FBXL17: variants seen among roughly 807,000 people sequenced by gnomAD.
FBXL17 encodes F-box and leucine rich repeat protein 17, also known as F-box/LRR-repeat protein 17.
Under a neutral mutation model 66.2 loss-of-function variants are expected in FBXL17, and 22 were observed. The observed-to-expected ratio is 0.33, with a 90% CI of 0.24 to 0.47. The LOEUF is 0.47. FBXL17 is among the 20% of genes least tolerant of loss of function. FBXL17 has a pLI of 1.00. For missense variants in FBXL17, 878 were observed against 948.2 expected, an observed-to-expected ratio of 0.93 and a Z score of 0.97; for synonymous variants, 474 against 400.5, an observed-to-expected ratio of 1.18 and a Z score of -2.19.
chr5:108,230,108 T>C lies in FBXL17; in HGVS notation c.1507-5880A>G, dbSNP rs577481521. ...AGATGTGGTTAAAAGGGAACACTTCTACACTGCTGGTAGGAATGTAAAACT... is the reference window on the plus strand; with the variant it reads ...AGATGTGGTTAAAAGGGAACACTTCCACACTGCTGGTAGGAATGTAAAACT... On this transcript the variant is annotated intron_variant, in intron 4 of 8. Coordinates refer to ENST00000542267, the MANE Select transcript of FBXL17 (RefSeq NM_001163315.3). 2.0e-5 allele frequency among the ~76,000 whole-genome samples: 3 copies of C among 152,328 alleles called. No individual in the cohort carries two copies. In the East Asian group the frequency reaches 5.8e-4, roughly 29 times the overall value.
At chr5:108,258,115 G>C (rs892470528) in intron 4 of FBXL17, among the ~76,000 whole-genome samples, 6 of 152,150 alleles carry the variant, frequency 3.9e-5, no homozygotes, top group Non-Finnish European at 7.4e-5. Context: ...ACTCCAGACT[G>C]TATCTGGAGA....
chr5:108,249,191 T>C (rs1756239015), intron 4 of FBXL17, among the ~76,000 whole-genome samples: 1 of 152,018 alleles, frequency 6.6e-6, no homozygotes, highest in South Asian at 2.1e-4. Context: ...CACTAATCAT[T>C]CCTTGGCCTA....
intron 4 of FBXL17, among the ~76,000 whole-genome samples, chr5:108,336,838 A>C (rs1760406299): frequency 6.6e-6 from 1 of 152,180 alleles, no homozygotes; most frequent in Non-Finnish European, 1.5e-5. Flanking sequence ...TTCAGTAAAT[A>C]AAAATTGAAT....
rs569673273 is a variant in FBXL17, at chr5:107,988,498, G to A, written c.1822+32427C>T. On this transcript the variant is annotated intron_variant, in intron 7 of 8. Transcript: ENST00000542267. ...GCTGCTACAAGTAGTCCTTTTCTAC[G>A]TTTAGTTTTAGGAGTAGTATTTTTG... Among the ~76,000 whole-genome samples the A allele has an allele frequency of 5.9e-5, 9 of 151,964 alleles. No homozygotes were observed. In the South Asian group the frequency reaches 1.2e-3, roughly 21 times the overall value.
intron 4 of FBXL17, among the ~76,000 whole-genome samples, chr5:108,314,493 C>G (rs1470347632): frequency 1.3e-5 from 2 of 151,424 alleles, no homozygotes; most frequent in Admixed American, 1.3e-4. Flanking sequence ...ATATGGTTGC[C>G]ATATGCTGTG....
chr5:108,127,086 TTTTG>T (rs2149971987), intron 6 of FBXL17, among the ~76,000 whole-genome samples: 1 of 152,294 alleles, frequency 6.6e-6, no homozygotes, highest in East Asian at 1.9e-4. Flanking sequence ...TATGTGTATG[TTTTG>T]TTTTTTAGTT....
At chr5:107,943,216 CA>C (rs771666920) in intron 7 of FBXL17, among the ~76,000 whole-genome samples, 4 of 152,178 alleles carry the variant, frequency 2.6e-5, no homozygotes, top group Non-Finnish European at 5.9e-5. Context: ...GCTTTAGAGA[CA>C]TAAGTGCAAT....
At chr5:108,007,452 A>G (rs1436553646) in intron 7 of FBXL17, among the ~76,000 whole-genome samples, 1 of 152,198 alleles carries the variant, frequency 6.6e-6, no homozygotes, top group Non-Finnish European at 1.5e-5. Flanking sequence ...TTGTAGATTT[A>G]GATAGAAATG....
At chr5:107,885,672 T>C (rs188225846) in intron 7 of FBXL17, among the ~76,000 whole-genome samples, 1 of 152,180 alleles carries the variant, frequency 6.6e-6, no homozygotes, top group Admixed American at 6.6e-5. Context: ...AAAGAGTTTA[T>C]ATGATGTGCT....
At chr5:108,069,593 A>T (rs1171966840) in intron 6 of FBXL17, among the ~76,000 whole-genome samples, 2 of 152,234 alleles carry the variant, frequency 1.3e-5, no homozygotes, top group African/African-American at 2.4e-5. Context: ...AAAAAGCATG[A>T]TTCTATAACC....
At chr5:108,105,216 AAAGAG>A (rs1749751022) in intron 6 of FBXL17, among the ~76,000 whole-genome samples, 1 of 152,206 alleles carries the variant, frequency 6.6e-6, no homozygotes, top group Admixed American at 6.5e-5. Context: ...ATGAATGAAG[AAAGAG>A]AAGAGAAGGC....
At chr5:108,196,028 G>A (rs1337474037) in intron 5 of FBXL17, among the ~76,000 whole-genome samples, 2 of 151,958 alleles carry the variant, frequency 1.3e-5, no homozygotes, top group African/African-American at 4.8e-5. Flanking sequence ...TGACATTTAC[G>A]CCTCTACATT....
At chr5:108,074,072 T>G (rs1406904149) in intron 6 of FBXL17, among the ~76,000 whole-genome samples, 2 of 152,346 alleles carry the variant, frequency 1.3e-5, no homozygotes, top group Middle Eastern at 3.4e-3. Context: ...GGCTATGTTC[T>G]GAGCCCCCAT....
intron 3 of FBXL17, among the ~76,000 whole-genome samples, chr5:108,357,849 AT>A (rs1306110881): frequency 1.3e-5 from 2 of 149,708 alleles, no homozygotes; most frequent in African/African-American, 5.0e-5. Context: ...TTCAGAAGAA[AT>A]TTGAACATAT....
At chr5:108,195,557 G>C (rs116475426) in intron 5 of FBXL17, among the ~76,000 whole-genome samples, 1 of 152,126 alleles carries the variant, frequency 6.6e-6, no homozygotes, top group Admixed American at 6.6e-5. Context: ...CTTTTGCTCT[G>C]AGAAATTTGG....
At chr5:108,324,283 T>C (rs1759750981) in intron 4 of FBXL17, among the ~76,000 whole-genome samples, 3 of 152,034 alleles carry the variant, frequency 2.0e-5, no homozygotes, top group South Asian at 4.1e-4. Context: ...AAGAGACATT[T>C]ATCCAAAGAT....
intron 4 of FBXL17, among the ~76,000 whole-genome samples, chr5:108,285,876 G>C (rs1388179407): frequency 6.7e-6 from 1 of 150,316 alleles, no homozygotes; most frequent in Non-Finnish European, 1.5e-5. Context: ...GATGAACATA[G>C]ACACAAAAAT....
intron 6 of FBXL17, among the ~76,000 whole-genome samples, chr5:108,103,508 C>T (rs1749677368): frequency 6.6e-6 from 1 of 151,976 alleles, no homozygotes. Context: ...GTATAAAATA[C>T]TATTAATCTA....
intron 6 of FBXL17, among the ~76,000 whole-genome samples, chr5:108,077,448 G>C (rs1748595116): frequency 6.6e-6 from 1 of 152,124 alleles, no homozygotes; most frequent in Non-Finnish European, 1.5e-5. Context: ...AGGATCACTT[G>C]AGCCCAGGAG....
Sources: gnomAD v4.1 joint callset for allele counts (sites outside exome capture counted in the v4.1 genomes callset) on GRCh38, gnomAD v4.1.1 for gene constraint, MANE v1.5 for transcripts, NCBI Gene and HGNC (gene_info 2026-07-23, HGNC 2026-07-21) for gene names.